Variants in PRSS41 observed in about 807,000 individuals in gnomAD.
The protein encoded by PRSS41 is serine protease 41.
In PRSS41, 37 loss-of-function variants were observed where a neutral mutation model predicts 28.8. The observed-to-expected ratio is 1.29, with a 90% CI of 0.99 to 1.69. The LOEUF (loss-of-function observed/expected upper bound fraction) is 1.69, where lower values mean the gene tolerates loss of function less well. PRSS41 is among the 40% of genes most tolerant of loss of function. The pLI, the probability that PRSS41 is intolerant of heterozygous loss-of-function variation, is 0.00. For missense variants in PRSS41, 431 were observed against 400.7 expected, an observed-to-expected ratio of 1.08 and a Z score of -0.65; for synonymous variants, 195 against 163.1, an observed-to-expected ratio of 1.20 and a Z score of -1.49.
exon 6 of PRSS41, chr16:2,805,160 A>G (rs1327124713): frequency 2.0e-6 from 3 of 1,524,092 alleles, no homozygotes; most frequent in Non-Finnish European, 2.7e-6. Context: ...AGTGCACCAG[A>G]AACTGTGAGG....
exon 6 of PRSS41, chr16:2,805,199 C>T (rs1348265808): frequency 1.5e-6 from 2 of 1,306,278 alleles, no homozygotes; most frequent in African/African-American, 1.5e-5. Flanking sequence ...TATTGGCTCA[C>T]CTCCTCTGGG....
chr16:2,799,216 G>GCA (rs1353491607), intron 3 of PRSS41, 70 bp from the exon 4 acceptor site: 2 of 1,522,904 alleles, frequency 1.3e-6, no homozygotes, highest in African/African-American at 1.4e-5. Flanking sequence ...CTCAGGGACT[G>GCA]GGCCTCCAGC....
exon 6 of PRSS41, chr16:2,805,036 G>T: frequency 6.4e-7 from 1 of 1,559,240 alleles, no homozygotes; most frequent in East Asian, 2.4e-5. Context: ...ACATCAGTGT[G>T]TACTTCCACT....
intron 4 of PRSS41, among the ~76,000 whole-genome samples, chr16:2,803,324 G>A (rs138838299): frequency 6.9e-4 from 103 of 150,288 alleles, no homozygotes; most frequent in African/African-American, 2.5e-3. Context: ...TTCCTTCTCC[G>A]TGTTTATTTT....
At position 2,804,549 on chromosome 16, in the gene PRSS41, G is replaced by A; in HGVS notation, c.699+3G>A. On this transcript the variant is annotated splice_donor_region_variant and intron_variant, in intron 5 of 5. Transcript: ENST00000399677. ...ATGGCAGTGTAGACACCTGCAAAGT[G>A]AGTGCCTCTACCCCACCAGGGAATC... 6.5e-7 allele frequency: 1 copy of A among 1,550,358 alleles called. No homozygotes were observed. The highest frequency in any genetic ancestry group is 8.7e-7 in the Non-Finnish European group (1 of 1,146,940).
chr16:2,798,531 C>T (rs1182945423), exon 1 of PRSS41: 4 of 1,530,268 alleles, frequency 2.6e-6, no homozygotes, highest in African/African-American at 2.8e-5. Flanking sequence ...CTGGCTCGGG[C>T]TGGACTCGGG....
At chr16:2,799,857 C>T (rs938564417) in intron 4 of PRSS41, among the ~76,000 whole-genome samples, 11 of 152,164 alleles carry the variant, frequency 7.2e-5, no homozygotes, top group African/African-American at 1.9e-4. Context: ...AGGGGGAGTT[C>T]GGGAGGACCT....
At chr16:2,804,823 T>C in intron 5 of PRSS41, 91 bp from the exon 6 acceptor site, 1 of 1,024,118 alleles carries the variant, frequency 9.8e-7, no homozygotes, top group African/African-American at 1.6e-5. Flanking sequence ...TTGCATTCAG[T>C]CTGCCTAGCC....
exon 3 of PRSS41, chr16:2,799,113 C>G: frequency 6.6e-7 from 1 of 1,524,064 alleles, no homozygotes; most frequent in Middle Eastern, 1.8e-4. Flanking sequence ...CGGCTGCGCA[C>G]TGCTTCCAAA....
chr16:2,802,689 G>C (rs1356731945), intron 4 of PRSS41, among the ~76,000 whole-genome samples: 4 of 152,232 alleles, frequency 2.6e-5, no homozygotes, highest in Non-Finnish European at 5.9e-5. Flanking sequence ...AGACCGGCCC[G>C]GCCAACACAG....
At chr16:2,798,865 C>A (rs1470655070) in intron 2 of PRSS41, 94 bp from the exon 3 acceptor site, 1 of 1,369,748 alleles carries the variant, frequency 7.3e-7, no homozygotes, top group African/African-American at 1.5e-5. Flanking sequence ...CGGGGAGCCC[C>A]CCGCTGCGCG....
At position 2,801,069 on chromosome 16, in the gene PRSS41, C is replaced by A. The variant is rs372485800; in HGVS notation, c.541+1500C>A. Among the ~76,000 whole-genome samples, 10 of 152,246 alleles carry A rather than the reference C, an allele frequency of 6.6e-5. No individual in the cohort carries two copies. In the South Asian group the frequency reaches 2.1e-3, roughly 32 times the overall value. ...GGCTAGGCTGGTCTCGAACTCCTGA[C>A]CTCAGGTGAACTACCCACCTCGGCC... is the stretch of plus-strand genomic sequence containing the variant. On this transcript the variant is annotated intron_variant, in intron 4 of 5. Coordinates refer to ENST00000399677, the Ensembl canonical transcript of PRSS41.
At chr16:2,803,090 G>T (rs1445503354) in intron 4 of PRSS41, among the ~76,000 whole-genome samples, 1 of 152,002 alleles carries the variant, frequency 6.6e-6, no homozygotes, top group African/African-American at 2.4e-5. Flanking sequence ...TTTTTTAAAA[G>T]CGATTTTATC....
chr16:2,802,372 G>C (rs1229368820), intron 4 of PRSS41, among the ~76,000 whole-genome samples: 1 of 151,302 alleles, frequency 6.6e-6, no homozygotes, highest in Non-Finnish European at 1.5e-5. Context: ...ATGGCGGCCG[G>C]GCGGAGACGC....
chr16:2,802,011 G>A (rs536208621), intron 4 of PRSS41, among the ~76,000 whole-genome samples: 1 of 147,210 alleles, frequency 6.8e-6, no homozygotes, highest in African/African-American at 2.5e-5. Context: ...GGCTGGCCGG[G>A]CGTGGGGCTG....
chr16:2,798,960 G>C, exon 3 of PRSS41: 1 of 1,511,738 alleles, frequency 6.6e-7, no homozygotes, highest in Non-Finnish European at 8.8e-7. Context: ...CCATCCCAGA[G>C]GCCTGCGGCC....
intron 4 of PRSS41, among the ~76,000 whole-genome samples, chr16:2,802,046 G>A (rs925353630): frequency 2.1e-5 from 3 of 144,692 alleles, no homozygotes; most frequent in African/African-American, 5.1e-5. Flanking sequence ...CCTCCCGGAC[G>A]GGGTGGCTGC....
At chr16:2,802,973 G>T (rs1014913601) in intron 4 of PRSS41, among the ~76,000 whole-genome samples, 1 of 152,126 alleles carries the variant, frequency 6.6e-6, no homozygotes, top group East Asian at 1.9e-4. Context: ...CTCTCTTTTG[G>T]TTACTATTTT....
chr16:2,799,298 C>A, exon 4 of PRSS41: 1 of 1,551,628 alleles, frequency 6.4e-7, no homozygotes, highest in Non-Finnish European at 8.7e-7. Context: ...ACTACTATCC[C>A]TCCGAGTGGA....
Sources: allele counts gnomAD v4.1 joint callset (sites outside exome capture counted in the v4.1 genomes callset), GRCh38; gene constraint gnomAD v4.1.1; transcripts MANE v1.5; gene names NCBI Gene and HGNC (gene_info 2026-07-23, HGNC 2026-07-21).